Variants in ITGBL1 observed in about 807,000 individuals in gnomAD.
ITGBL1 encodes integrin subunit beta like 1.
In ITGBL1, 51 loss-of-function variants were observed where a neutral mutation model predicts 68.5. That is an observed-to-expected ratio of 0.74 (90% CI 0.59 to 0.94). ITGBL1 has a LOEUF of 0.94. Ranked by LOEUF, ITGBL1 falls within the 40% of genes least tolerant of loss-of-function variation. The pLI, the probability that ITGBL1 is intolerant of heterozygous loss-of-function variation, is 0.00. For missense variants in ITGBL1, 649 were observed against 647.4 expected (o/e 1.00, Z -0.03); for synonymous variants, 209 against 227.3 (o/e 0.92, Z 0.72).
chr13:101,594,252 G>A (rs1352559293), intron 6 of ITGBL1, among the ~76,000 whole-genome samples: 1 of 152,092 alleles, frequency 6.6e-6, no homozygotes, highest in Non-Finnish European at 1.5e-5. Flanking sequence ...CAGTGGAACA[G>A]AATAGACAGC....
At chr13:101,689,969 C>T (rs1012033774) in intron 7 of ITGBL1, among the ~76,000 whole-genome samples, 5 of 152,146 alleles carry the variant, frequency 3.3e-5, no homozygotes, top group African/African-American at 4.8e-5. Flanking sequence ...TTTTGGTGCC[C>T]ATCCTAATAC....
intron 7 of ITGBL1, among the ~76,000 whole-genome samples, chr13:101,641,981 GT>G (rs1198189634): frequency 5.3e-5 from 8 of 152,000 alleles, no homozygotes; most frequent in Non-Finnish European, 7.4e-5. Context: ...ATTTGGGTTG[GT>G]TCCAAGTCTT....
chr13:101,607,330 T>G (rs1183562377), intron 7 of ITGBL1, among the ~76,000 whole-genome samples: 1 of 152,060 alleles, frequency 6.6e-6, no homozygotes, highest in Non-Finnish European at 1.5e-5. Context: ...ACTCCAAGGT[T>G]GTTGTTTTGG....
At chr13:101,478,131 T>C (rs962628603) in intron 2 of ITGBL1, among the ~76,000 whole-genome samples, 2 of 152,238 alleles carry the variant, frequency 1.3e-5, no homozygotes, top group African/African-American at 4.8e-5. Flanking sequence ...AAAAAGATCA[T>C]TCATCATGAC....
In ITGBL1 at chr13:101,575,510, G is replaced by A; in HGVS notation, c.550G>A (p.Glu184Lys). 1 of 1,612,790 alleles carries A rather than the reference G, an allele frequency of 6.2e-7. No individual in the cohort carries two copies. The highest frequency in any genetic ancestry group is 8.5e-7 in the Non-Finnish European group (1 of 1,178,980). ...YGKFCECDDRECIDDETEEIC... is the reference protein window; with the variant it reads ...YGKFCECDDRKCIDDETEEIC... ...TAAATTTTGTGAGTGTGACGATAGA[G>A]AATGCATAGACGATGAAACAGAAGA... The change falls in exon 4 of 11, where the codon GAA (glutamate) becomes AAA (lysine). Residue 184 changes from glutamate (E) to lysine (K), a missense_variant. By Grantham distance (56) the Glu-to-Lys change is moderately conservative. Coordinates refer to ENST00000376180, the MANE Select transcript of ITGBL1 (RefSeq NM_004791.3).
At position 101,567,363 on chromosome 13, in the gene ITGBL1, G is replaced by A. The variant is rs190534364; in HGVS notation, c.317-336G>A. On this transcript the variant is annotated intron_variant, in intron 2 of 10. Transcript: ENST00000376180. ...TACAGTAAACTAGAAGTATTTTTTC[G>A]TTGGACTTTTGTCTCTTAAATACTG... is the stretch of plus-strand genomic sequence containing the variant. Among the ~76,000 whole-genome samples the A allele has an allele frequency of 3.2e-4, 48 of 151,888 alleles. No homozygotes were observed. In the East Asian group the frequency reaches 7.2e-3, roughly 23 times the overall value.
chr13:101,613,822 C>T (rs1373009642), intron 7 of ITGBL1, among the ~76,000 whole-genome samples: 1 of 152,092 alleles, frequency 6.6e-6, no homozygotes, highest in Non-Finnish European at 1.5e-5. Flanking sequence ...TTAAAAGCTC[C>T]CTGGGTGACT....
chr13:101,540,667 C>A (rs929620636), intron 2 of ITGBL1, among the ~76,000 whole-genome samples: 1 of 152,192 alleles, frequency 6.6e-6, no homozygotes, highest in East Asian at 1.9e-4. Context: ...TTCACGATAT[C>A]GATTCTTCCT....
intron 7 of ITGBL1, among the ~76,000 whole-genome samples, chr13:101,657,425 T>G (rs1014131325): frequency 1.3e-5 from 2 of 152,206 alleles, no homozygotes; most frequent in African/African-American, 4.8e-5. Context: ...GAGTATAAAA[T>G]TCCACTTGAC....
At chr13:101,712,619 A>G (rs1013585681) in intron 9 of ITGBL1, 6 of 152,234 alleles carry the variant, frequency 3.9e-5, no homozygotes, top group Admixed American at 1.3e-4. Context: ...AAATACTTCA[A>G]ATAACTAATT....
intron 7 of ITGBL1, among the ~76,000 whole-genome samples, chr13:101,654,774 G>A (rs2139461682): frequency 6.6e-6 from 1 of 152,172 alleles, no homozygotes; most frequent in African/African-American, 2.4e-5. Context: ...AAAGCTCTGG[G>A]CCTGGATGCA....
chr13:101,467,106 A>G (rs1309814093), intron 2 of ITGBL1, among the ~76,000 whole-genome samples: 2 of 152,290 alleles, frequency 1.3e-5, no homozygotes, highest in East Asian at 3.9e-4. Flanking sequence ...CACTAATCCC[A>G]CTAATGAGCC....
rs7317931 is a variant in ITGBL1, at chr13:101,615,695, G to T, written c.1015+17396G>T. 7.9e-3 allele frequency among the ~76,000 whole-genome samples: 1,197 copies of T among 152,120 alleles called. 16 individuals are homozygous for T. The highest frequency in any genetic ancestry group is 0.028 in the African/African-American group (1,161 of 41,500). On this transcript the variant is annotated intron_variant, in intron 7 of 10. Coordinates refer to ENST00000376180, the MANE Select transcript of ITGBL1 (RefSeq NM_004791.3). ...TCCCAGCTACTCAGGAGGCTAAGGT[G>T]GGAGGATTTCTTGAGCCCAAGAGTT...
intron 7 of ITGBL1, among the ~76,000 whole-genome samples, chr13:101,634,356 A>G (rs1487159194): frequency 6.6e-6 from 1 of 152,156 alleles, no homozygotes; most frequent in East Asian, 1.9e-4. Context: ...CAACATGATA[A>G]TGTAACAGAT....
Position 101,681,820 on chromosome 13 carries a change from G to A in ITGBL1, c.1016-10765G>A, listed in dbSNP as rs117292061. Among the ~76,000 whole-genome samples, 102 of 152,228 alleles carry A rather than the reference G, an allele frequency of 6.7e-4. No individual in the cohort carries two copies. In the East Asian group the frequency reaches 0.011, roughly 16 times the overall value. Reference sequence around the variant, plus strand: ...TGTGTGTGTGGGTGTGCGCATGTGCGCATGTGTGTATATGTGTGTGTGTGT... The same window carrying A: ...TGTGTGTGTGGGTGTGCGCATGTGCACATGTGTGTATATGTGTGTGTGTGT... On this transcript the variant is annotated intron_variant, in intron 7 of 10. Coordinates refer to ENST00000376180, the MANE Select transcript of ITGBL1 (RefSeq NM_004791.3).
At chr13:101,481,575 T>A (rs2048625263) in intron 2 of ITGBL1, among the ~76,000 whole-genome samples, 1 of 152,060 alleles carries the variant, frequency 6.6e-6, no homozygotes, top group Admixed American at 6.6e-5. Flanking sequence ...ATCCCAGAGA[T>A]ATCTGAGTGT....
chr13:101,548,381 A>G (rs2049863433), intron 2 of ITGBL1, among the ~76,000 whole-genome samples: 2 of 151,874 alleles, frequency 1.3e-5, no homozygotes, highest in Non-Finnish European at 3.0e-5. Context: ...CCATATTGAG[A>G]GATCGATCTA....
At chr13:101,529,799 A>T (rs914560785) in intron 2 of ITGBL1, among the ~76,000 whole-genome samples, 1 of 152,146 alleles carries the variant, frequency 6.6e-6, no homozygotes, top group Non-Finnish European at 1.5e-5. Flanking sequence ...TTCTGCCATG[A>T]TTTAAGTTTC....
chr13:101,623,978 C>T (rs1293384048), intron 7 of ITGBL1, among the ~76,000 whole-genome samples: 1 of 152,184 alleles, frequency 6.6e-6, no homozygotes. Flanking sequence ...ACTGGCTAAA[C>T]ATCTCCCCCC....
Sources: gnomAD v4.1 joint callset for allele counts (sites outside exome capture counted in the v4.1 genomes callset) on GRCh38, gnomAD v4.1.1 for gene constraint, MANE v1.5 for transcripts, NCBI Gene and HGNC (gene_info 2026-07-23, HGNC 2026-07-21) for gene names.